The following TRAM1 variants were observed in gnomAD, a reference collection of about 807,000 sequenced individuals.
TRAM1 encodes translocation associated membrane protein 1, also known as translocating chain-associated membrane protein 1.
Under a neutral mutation model 48.7 loss-of-function variants are expected in TRAM1, and 17 were observed. The observed-to-expected ratio is 0.35, with a 90% confidence interval of 0.24 to 0.52. TRAM1 has a LOEUF of 0.52. Ranked by LOEUF, TRAM1 falls within the 20% of genes least tolerant of loss-of-function variation. The probability of loss-of-function intolerance (pLI) is 0.94; values close to 1 mark genes in which losing one functional copy is unlikely to be tolerated. For synonymous variants in TRAM1, 182 were observed against 154.0 expected (o/e 1.18, Z -1.34); for missense variants, 351 against 441.5 (o/e 0.79, Z 1.84).
chr8:70,586,858 C>A, intron 8 of TRAM1, 37 bp downstream of exon 8: 1 of 1,550,108 alleles, frequency 6.5e-7, no homozygotes, highest in South Asian at 1.1e-5. Flanking sequence ...ACTTTAAATA[C>A]CTAGTACACG....
In TRAM1 at chr8:70,591,793, A is replaced by C. The variant is rs1424928720; in HGVS notation, c.570+2713T>G. On this transcript the variant is annotated intron_variant, in intron 6 of 10. Transcript: ENST00000262213. ...TCTGTATTAATTATCTTGACAAATA[A>C]ATGTTTGCGTAAGACACATACACCC... 3.9e-5 allele frequency among the ~76,000 whole-genome samples: 6 copies of C among 152,234 alleles called. No individual in the cohort carries two copies. The East Asian group carries it at 1.2e-3, about 29-fold the overall frequency.
chr8:70,576,657 C>T (rs1336968792), intron 10 of TRAM1, among the ~76,000 whole-genome samples: 1 of 152,240 alleles, frequency 6.6e-6, no homozygotes, highest in Admixed American at 6.5e-5. Context: ...GCAACCTCCA[C>T]TTCTCAGTGA....
At chr8:70,596,579 C>T (rs958870649) in intron 4 of TRAM1, among the ~76,000 whole-genome samples, 2 of 151,704 alleles carry the variant, frequency 1.3e-5, no homozygotes, top group Non-Finnish European at 2.9e-5. Flanking sequence ...TCTTTCAATC[C>T]CATAGAATAA....
intron 5 of TRAM1, among the ~76,000 whole-genome samples, chr8:70,595,430 T>C (rs1015458057): frequency 1.3e-5 from 2 of 152,254 alleles, no homozygotes; most frequent in African/African-American, 4.8e-5. Context: ...AGACTTAAAA[T>C]ACCCACAGTC....
At chr8:70,575,814 C>T (rs935038528) in intron 10 of TRAM1, among the ~76,000 whole-genome samples, 58 of 152,002 alleles carry the variant, frequency 3.8e-4, no homozygotes, top group Non-Finnish European at 4.4e-5. Flanking sequence ...TGGTGGCTCA[C>T]GCCTGTAATC....
In TRAM1 at chr8:70,598,215, G is replaced by C. The variant is rs1586763639; in HGVS notation, c.228C>G (p.Gly76=). 6.2e-7 allele frequency: 1 copy of C among 1,612,676 alleles called. No homozygotes were observed. Among genetic ancestry groups the C allele is most frequent in the East Asian group, 2.2e-5 (1 of 44,728 alleles). ...ATESVSLYYY[G]IKDLATVFFY... ...AGAAAACAGTAGCCAAATCTTTGAT[G>C]CCATAGTAATAAAGGGACACTGATT... The change falls in exon 3 of 11, where the codon GGC becomes GGG. Residue 76 remains glycine (G), a synonymous_variant. Transcript: ENST00000262213.
chr8:70,586,780 C>T (rs529667740), intron 8 of TRAM1, 115 bp downstream of exon 8: 41 of 806,404 alleles, frequency 5.1e-5, no homozygotes, highest in African/African-American at 1.2e-4. Flanking sequence ...TTATTTAAAG[C>T]GGCTACTGAT....
chr8:70,580,005 T>A (rs1433545378), intron 10 of TRAM1, among the ~76,000 whole-genome samples: 1 of 152,128 alleles, frequency 6.6e-6, no homozygotes, highest in East Asian at 1.9e-4. Context: ...AACTGTTTTT[T>A]AAAAAGAGCA....
At chr8:70,596,488 T>C (rs938779104) in intron 4 of TRAM1, among the ~76,000 whole-genome samples, 167 bp from the exon 5 acceptor site, 11 of 152,128 alleles carry the variant, frequency 7.2e-5, no homozygotes, top group Non-Finnish European at 1.3e-4. Context: ...CCAATTTGAG[T>C]TGGTTACTTG....
At chr8:70,599,892 A>T (rs1817568269) in intron 2 of TRAM1, 127 bp downstream of exon 2, 1 of 713,616 alleles carries the variant, frequency 1.4e-6, no homozygotes, top group Non-Finnish European at 2.5e-6. Flanking sequence ...TCACAATAAC[A>T]TTCAGTCACA....
At chr8:70,589,238 G>T (rs916445799) in intron 6 of TRAM1, among the ~76,000 whole-genome samples, 2 of 152,166 alleles carry the variant, frequency 1.3e-5, no homozygotes, top group Non-Finnish European at 2.9e-5. Flanking sequence ...ATGGAAGAGA[G>T]AAGTATCTCT....
At chr8:70,592,963 C>T (rs931747091) in intron 6 of TRAM1, among the ~76,000 whole-genome samples, 1 of 152,116 alleles carries the variant, frequency 6.6e-6, no homozygotes, top group Non-Finnish European at 1.5e-5. Context: ...GCATTTTGGA[C>T]AGTACAGCTC....
intron 10 of TRAM1, among the ~76,000 whole-genome samples, chr8:70,581,759 C>A (rs1817079670): frequency 6.6e-6 from 1 of 152,178 alleles, no homozygotes; most frequent in African/African-American, 2.4e-5. Context: ...ATACATCCAT[C>A]CAAAAGGTTC....
chr8:70,575,858 C>T (rs1456344807), intron 10 of TRAM1, among the ~76,000 whole-genome samples: 1 of 151,950 alleles, frequency 6.6e-6, no homozygotes, highest in African/African-American at 2.4e-5. Flanking sequence ...GGGTGGATCA[C>T]CTGAGGCCAG....
At chr8:70,595,361 G>C (rs746605795) in intron 5 of TRAM1, among the ~76,000 whole-genome samples, 1 of 151,896 alleles carries the variant, frequency 6.6e-6, no homozygotes, top group African/African-American at 2.4e-5. Context: ...TACAAAGTTC[G>C]TTGAACTAAT....
At chr8:70,584,291 T>C (rs545338406) in intron 8 of TRAM1, among the ~76,000 whole-genome samples, 48 of 152,244 alleles carry the variant, frequency 3.2e-4, no homozygotes, top group African/African-American at 1.1e-3. Context: ...TTTTGGAAAA[T>C]GCTGGACAAA....
intron 5 of TRAM1, 39 bp from the exon 6 acceptor site, chr8:70,594,629 A>T: frequency 6.7e-7 from 1 of 1,494,846 alleles, no homozygotes; most frequent in East Asian, 2.4e-5. Flanking sequence ...CTTTTAAAGC[A>T]TAATTTTTTT....
At chr8:70,589,885 T>C (rs1342606665) in intron 6 of TRAM1, among the ~76,000 whole-genome samples, 1 of 152,150 alleles carries the variant, frequency 6.6e-6, no homozygotes, top group Non-Finnish European at 1.5e-5. Flanking sequence ...AATATTTTGT[T>C]ATTTAATATA....
At chr8:70,588,936 T>C (rs891894247) in intron 6 of TRAM1, among the ~76,000 whole-genome samples, 4 of 152,254 alleles carry the variant, frequency 2.6e-5, no homozygotes, top group African/African-American at 9.6e-5. Flanking sequence ...CAGGCTGAAC[T>C]GTGTTCCTCT....
Sources: gnomAD v4.1 joint callset for allele counts (sites outside exome capture counted in the v4.1 genomes callset) on GRCh38, gnomAD v4.1.1 for gene constraint, MANE v1.5 for transcripts, NCBI Gene and HGNC (gene_info 2026-07-23, HGNC 2026-07-21) for gene names.